MRPS23: variants seen among roughly 807,000 people sequenced by gnomAD.
The protein encoded by MRPS23 is mitochondrial ribosomal protein S23.
Under a neutral mutation model 19.8 loss-of-function variants are expected in MRPS23, and 14 were observed. The ratio of observed to expected loss-of-function variants is 0.71; its 90% CI spans 0.47 to 1.11. The LOEUF (loss-of-function observed/expected upper bound fraction) is 1.11, where lower values mean the gene tolerates loss of function less well. Ranked by LOEUF, MRPS23 falls within the 50% of genes least tolerant of loss-of-function variation. MRPS23 has a pLI of 0.00. For missense variants in MRPS23, 242 were observed against 236.7 expected, an observed-to-expected ratio of 1.02 and a Z score of -0.15; for synonymous variants, 113 against 89.7, an observed-to-expected ratio of 1.26 and a Z score of -1.47.
At chr17:57,841,311 G>A (rs1488281772) in intron 2 of MRPS23, 51 bp from the exon 3 acceptor site, 2 of 1,549,758 alleles carry the variant, frequency 1.3e-6, no homozygotes, top group African/African-American at 2.7e-5. Flanking sequence ...GACTGTGGAT[G>A]AGAATGGAAT....
rs1441162785 is a variant in MRPS23 at position 57,839,078 on chromosome 17, C to T, written c.*705G>A. The T allele has an allele frequency of 2.0e-5, 3 of 151,516 alleles. No homozygotes were observed. The highest frequency in any genetic ancestry group is 1.5e-5 in the Non-Finnish European group (1 of 67,860). 9.4% of individuals were successfully genotyped at this position (151,516 alleles called of 1,614,324 possible). The stretch of plus-strand genomic sequence containing the variant: ...ATTAGCTGCCTCCTTTCTTGGCAAT[C>T]CTGTTATCTACACCATATGAATCCA... On this transcript the variant is annotated 3_prime_UTR_variant, in exon 5 of 5. Transcript: ENST00000313608.
chr17:57,849,830 G>C, intron 1 of MRPS23, 137 bp downstream of exon 1: 3 of 998,436 alleles, frequency 3.0e-6, no homozygotes, highest in East Asian at 2.7e-5. Flanking sequence ...AAACATGAGA[G>C]GGCCTCACCC....
chr17:57,844,628 C>T (rs866564547), intron 2 of MRPS23, among the ~76,000 whole-genome samples: 48 of 149,206 alleles, frequency 3.2e-4, no homozygotes, highest in African/African-American at 1.1e-3. Flanking sequence ...AAAATTAGCC[C>T]GCCGTGGTGA....
intron 3 of MRPS23, 31 bp from the exon 4 acceptor site, chr17:57,841,083 T>A: frequency 1.2e-6 from 2 of 1,612,888 alleles, no homozygotes; most frequent in Non-Finnish European, 1.7e-6. Flanking sequence ...ATTTTAGGTA[T>A]GTTTGTAAGC....
intron 1 of MRPS23, 150 bp from the exon 2 acceptor site, chr17:57,849,560 G>A: frequency 1.0e-6 from 1 of 955,876 alleles, no homozygotes; most frequent in South Asian, 1.7e-5. Context: ...GAGAAGATCT[G>A]TCCACATCCC....
chr17:57,849,467 G>T, intron 1 of MRPS23, 57 bp from the exon 2 acceptor site: 2 of 1,591,432 alleles, frequency 1.3e-6, no homozygotes, highest in Non-Finnish European at 1.7e-6. Context: ...CAAAGCCCCT[G>T]AATCAGTCTA....
In MRPS23 at chr17:57,847,799, C is replaced by T. The variant is rs368144861; in HGVS notation, c.215+1441G>A. Among the ~76,000 whole-genome samples, 432 of 151,426 alleles carry T rather than the reference C, an allele frequency of 2.9e-3. 5 individuals are homozygous for T. The highest frequency in any genetic ancestry group is 9.3e-3 in the African/African-American group (386 of 41,308). On this transcript the variant is annotated intron_variant, in intron 2 of 4. Coordinates refer to ENST00000313608, the MANE Select transcript of MRPS23 (RefSeq NM_016070.4). ...GCAACCTCCACCTTCTAGTTTCAAGCGATTCTCCCACCTCAGCATCCAAAG... is the reference window on the plus strand; with the variant it reads ...GCAACCTCCACCTTCTAGTTTCAAGTGATTCTCCCACCTCAGCATCCAAAG...
In MRPS23 at chr17:57,839,819, T is replaced by C. The variant is rs768034086; in HGVS notation, c.537A>G (p.Ala179=). ...KEVPQDQHLE[A]PADQSKGLLP... ...AGAGACCTTTCGACTGGTCTGCAGGTGCCTCCAAATGCTGGTCCTGTGGAA... is the reference window on the plus strand; with the variant it reads ...AGAGACCTTTCGACTGGTCTGCAGGCGCCTCCAAATGCTGGTCCTGTGGAA... The change falls in exon 5 of 5, where the codon GCA becomes GCG. Residue 179 remains alanine (A), a synonymous_variant. Coordinates refer to ENST00000313608, the MANE Select transcript of MRPS23 (RefSeq NM_016070.4). 20 of 1,614,198 alleles carry C rather than the reference T, an allele frequency of 1.2e-5. No homozygotes were observed. The highest frequency in any genetic ancestry group is 1.7e-5 in the Non-Finnish European group (20 of 1,180,024).
intron 2 of MRPS23, among the ~76,000 whole-genome samples, chr17:57,843,512 C>G (rs2685529): frequency 0.98 from 149,576 of 152,332 alleles, 73,491 homozygotes; most frequent in East Asian, 1. Context: ...ACCAAAATTA[C>G]TATGTTGAAA....
chr17:57,844,865 C>T (rs2073762570), intron 2 of MRPS23, among the ~76,000 whole-genome samples: 2 of 151,636 alleles, frequency 1.3e-5, no homozygotes, highest in Middle Eastern at 6.8e-3. Context: ...TCCAAATCTA[C>T]AGCAGAAGCA....
rs139095969 is a variant in MRPS23, at chr17:57,843,780, C to T, written c.216-2520G>A. On this transcript the variant is annotated intron_variant, in intron 2 of 4. Coordinates refer to ENST00000313608, the MANE Select transcript of MRPS23 (RefSeq NM_016070.4). The stretch of plus-strand genomic sequence containing the variant: ...TTCATTTGTTTATAAGCCACCTGGT[C>T]TATGGTAATTCGTTACACAGTGGTC... Among the ~76,000 whole-genome samples the T allele has an allele frequency of 8.7e-3, 1,326 of 152,312 alleles. 10 individuals carry two copies. The highest frequency in any genetic ancestry group is 0.014 in the Non-Finnish European group (948 of 68,022).
intron 2 of MRPS23, among the ~76,000 whole-genome samples, chr17:57,847,875 T>C (rs977349913): frequency 6.6e-6 from 1 of 151,796 alleles, no homozygotes; most frequent in Non-Finnish European, 1.5e-5. Flanking sequence ...TTTTGGTATT[T>C]TAGTCAAGAC....
chr17:57,843,859 T>C (rs1393430519), intron 2 of MRPS23, among the ~76,000 whole-genome samples: 1 of 152,230 alleles, frequency 6.6e-6, no homozygotes, highest in African/African-American at 2.4e-5. Context: ...AGAAAATTAG[T>C]CCTTTGTCAT....
Position 57,838,803 on chromosome 17 carries a change from A to ACCT in MRPS23, c.*979_*980insAGG, listed in dbSNP as rs2073722766. ...CTCACAGTGTACCAGGAGAGATGAG[A>ACCT]GCATACACAAAGAATCACTGGGTAG... On this transcript the variant is annotated 3_prime_UTR_variant, in exon 5 of 5. Transcript: ENST00000313608. 6.6e-6 allele frequency: 1 copy of ACCT among 152,252 alleles called. No homozygotes were observed. The highest frequency in any genetic ancestry group is 2.4e-5 in the African/African-American group (1 of 41,466). 9.4% of individuals were successfully genotyped at this position (152,252 alleles called of 1,614,324 possible). A position where few individuals can be genotyped will look rare whatever the true frequency, so the allele number is the denominator to read the frequency against.
In MRPS23 at chr17:57,836,296, A is replaced by T. The variant is rs1012181350; in HGVS notation, c.*3487T>A. ...AATCATTACTACTTGAATGAAGGCC[A>T]CAGTAAATGAGGCAGGAGTACAAAC... On this transcript the variant is annotated 3_prime_UTR_variant, in exon 5 of 5. Transcript: ENST00000313608. The T allele has an allele frequency of 2.6e-5, 4 of 152,228 alleles. No homozygotes were observed. The highest frequency in any genetic ancestry group is 5.9e-5 in the Non-Finnish European group (4 of 68,064). The allele number at this position is 152,228 out of a possible 1,614,324, so 9.4% of individuals were successfully genotyped here.
Position 57,835,421 on chromosome 17 carries a change from C to CT in MRPS23, c.*4361dup, listed in dbSNP as rs1459379227. ...GACATGTCTCCTCTTTCCTCCTTCC[C>CT]TGCCCACTCCTCCATCCCATTCTTT... On this transcript the variant is annotated 3_prime_UTR_variant, in exon 5 of 5. Coordinates refer to ENST00000313608, the MANE Select transcript of MRPS23 (RefSeq NM_016070.4). The CT allele has an allele frequency of 6.6e-6, 1 of 152,356 alleles. No individual in the cohort carries two copies. Among genetic ancestry groups the CT allele is most frequent in the African/African-American group, 2.4e-5 (1 of 41,448 alleles). 9.4% of individuals were successfully genotyped at this position (152,356 alleles called of 1,614,324 possible). A position where few individuals can be genotyped will look rare whatever the true frequency, so the allele number is the denominator to read the frequency against.
intron 2 of MRPS23, chr17:57,848,699 T>G (rs540400410): frequency 6.7e-6 from 1 of 149,964 alleles, no homozygotes; most frequent in Non-Finnish European, 1.5e-5. Context: ...AAGCATCCTT[T>G]CATCTGAGTG....
In MRPS23 at chr17:57,846,621, C is replaced by T. The variant is rs553383991; in HGVS notation, c.215+2619G>A. On this transcript the variant is annotated intron_variant, in intron 2 of 4. Coordinates refer to ENST00000313608, the MANE Select transcript of MRPS23 (RefSeq NM_016070.4). Reference sequence around the variant, plus strand: ...TGTTAATCTATAACCTTACCCCCAACCCCCTGCTCTCTGAAACATGTGCTG... The same window carrying T: ...TGTTAATCTATAACCTTACCCCCAATCCCCTGCTCTCTGAAACATGTGCTG... 2.6e-5 allele frequency among the ~76,000 whole-genome samples: 4 copies of T among 152,216 alleles called. No homozygotes were observed. In the South Asian group the frequency reaches 8.3e-4, roughly 32 times the overall value.
rs919742164 is a variant in MRPS23, at chr17:57,839,725, C to T, written c.*58G>A. ...ACACAGTTCAACTGTTTAAAAATAG[C>T]TCAACATTCAGCCAGTGAGTAGAGT... On this transcript the variant is annotated 3_prime_UTR_variant, in exon 5 of 5. Transcript: ENST00000313608. 4 of 1,572,512 alleles carry T rather than the reference C, an allele frequency of 2.5e-6. No individual in the cohort carries two copies. In the South Asian group the frequency reaches 4.6e-5, roughly 18 times the overall value.
Sources: gnomAD v4.1 joint callset for allele counts (sites outside exome capture counted in the v4.1 genomes callset) on GRCh38, gnomAD v4.1.1 for gene constraint, MANE v1.5 for transcripts, NCBI Gene and HGNC (gene_info 2026-07-23, HGNC 2026-07-21) for gene names.